Variants in TACR3 observed in about 807,000 individuals in gnomAD.
The protein encoded by TACR3 is tachykinin receptor 3, also known as neuromedin-K receptor.
Under a neutral mutation model 35.0 loss-of-function variants are expected in TACR3, and 34 were observed. The observed-to-expected ratio is 0.97, with a 90% CI of 0.74 to 1.30. TACR3 has a LOEUF of 1.30. Among genes scored for constraint, TACR3 ranks in the 50% most tolerant of loss-of-function variants. TACR3 has a pLI of 0.00. For synonymous variants in TACR3, 233 were observed against 221.1 expected, an observed-to-expected ratio of 1.05 and a Z score of -0.48; for missense variants, 558 against 591.7, an observed-to-expected ratio of 0.94 and a Z score of 0.59.
chr4:103,589,764 C>T lies in TACR3; in HGVS notation c.1316G>A (p.Cys439Tyr). The T allele has an allele frequency of 6.2e-7, 1 of 1,613,996 alleles. No individual in the cohort carries two copies. Among genetic ancestry groups the T allele is most frequent in the South Asian group, 1.1e-5 (1 of 91,078 alleles). ...GGCAGATTTGGAATTCCTGCGAGAG[C>T]AGCCATTGAAACTTGGGTCTCTTGG... ...ATPRDPSFNGCSRRNSKSASA... is the reference protein window; with the variant it reads ...ATPRDPSFNGYSRRNSKSASA... The change falls in exon 5 of 5, where the codon TGC becomes TAC. Residue 439 changes from cysteine (C) to tyrosine (Y), a missense_variant. Transcript: ENST00000304883.
intron 3 of TACR3, among the ~76,000 whole-genome samples, chr4:103,607,267 A>C (rs1457945765): frequency 6.6e-6 from 1 of 152,008 alleles, no homozygotes; most frequent in African/African-American, 2.4e-5. Context: ...TGCATTATTC[A>C]TTTTGTGCCC....
intron 3 of TACR3, among the ~76,000 whole-genome samples, chr4:103,621,120 T>C (rs1247013218): frequency 6.6e-6 from 1 of 152,162 alleles, no homozygotes; most frequent in Non-Finnish European, 1.5e-5. Flanking sequence ...TTGTGGAAGC[T>C]CAATGTGAAA....
intron 1 of TACR3, among the ~76,000 whole-genome samples, chr4:103,701,652 C>T (rs1722651073): frequency 6.6e-6 from 1 of 152,178 alleles, no homozygotes; most frequent in South Asian, 2.1e-4. Flanking sequence ...TCGAACTATA[C>T]TACAAGGCTA....
chr4:103,589,947 T>G lies in TACR3; in HGVS notation c.1133A>C (p.Lys378Thr), dbSNP rs200191397. The G allele has an allele frequency of 1.2e-6, 2 of 1,613,894 alleles. No individual in the cohort carries two copies. The highest frequency in any genetic ancestry group is 1.1e-5 in the South Asian group (1 of 91,084). ...KRAFRWCPFI[K>T]VSSYDELELK... is the part of the protein sequence containing the mutation. ...CTCTAGCTCATCATAGCTGGAAACT[T>G]TGATGAAAGGACACCAGCGAAATGC... is the stretch of plus-strand genomic sequence containing the variant. The change falls in exon 5 of 5, where the codon AAA becomes ACA. Residue 378 changes from lysine to threonine, a missense_variant. Lys to Thr is a moderately conservative substitution (Grantham distance 78). Coordinates refer to ENST00000304883, the MANE Select transcript of TACR3 (RefSeq NM_001059.3).
At position 103,676,666 on chromosome 4, in the gene TACR3, T is replaced by G. The variant is rs74629730; in HGVS notation, c.549-18263A>C. Among the ~76,000 whole-genome samples, 3,196 of 152,208 alleles carry G rather than the reference T, an allele frequency of 0.021. 226 individuals carry two copies. In the East Asian group the frequency reaches 0.23, roughly 11 times the overall value. On this transcript the variant is annotated intron_variant, in intron 1 of 4. Coordinates refer to ENST00000304883, the MANE Select transcript of TACR3 (RefSeq NM_001059.3). ...GTGCTGGGATAACTGGTTAGCCATA[T>G]GCAGAAAATTGAAACTGGACCCCTT...
intron 1 of TACR3, among the ~76,000 whole-genome samples, chr4:103,716,215 TTGTGTGTGTGTGTGTGTGTGTG>T (rs56790385): frequency 7.0e-6 from 1 of 143,234 alleles, no homozygotes; most frequent in Non-Finnish European, 1.5e-5. Context: ...TAATTTTATC[TTGTGTGTGTGTGTGTGTGTGTG>T]TGTGTGTGTG....
At chr4:103,700,052 A>AT (rs1342224125) in intron 1 of TACR3, among the ~76,000 whole-genome samples, 3 of 152,196 alleles carry the variant, frequency 2.0e-5, no homozygotes, top group African/African-American at 7.2e-5. Context: ...CTTGAGAAAT[A>AT]TCTGTTGAGT....
chr4:103,684,836 T>C (rs147672063), intron 1 of TACR3, among the ~76,000 whole-genome samples: 59 of 151,832 alleles, frequency 3.9e-4, no homozygotes, highest in Middle Eastern at 3.4e-3. Flanking sequence ...AAAACCTGTC[T>C]CTATGAAAAA....
chr4:103,640,361 C>T (rs557298044), intron 3 of TACR3, among the ~76,000 whole-genome samples: 2 of 152,080 alleles, frequency 1.3e-5, no homozygotes, highest in Admixed American at 6.6e-5. Context: ...TGAAATAATC[C>T]TAACCTTGTA....
Position 103,719,900 on chromosome 4 carries a change from A to G in TACR3, c.-225T>C. ...GCGCTTGCGGCTCTGGCAGGCAGAA[A>G]GAATGAGATCCTCCCGAGATTAAGG... is the stretch of plus-strand genomic sequence containing the variant. On this transcript the variant is annotated 5_prime_UTR_variant, in exon 1 of 5. Coordinates refer to ENST00000304883, the MANE Select transcript of TACR3 (RefSeq NM_001059.3). 1.7e-6 allele frequency: 1 copy of G among 605,556 alleles called. No individual in the cohort carries two copies. Among genetic ancestry groups the G allele is most frequent in the Non-Finnish European group, 2.9e-6 (1 of 342,930 alleles). 37.5% of individuals were successfully genotyped at this position (605,556 alleles called of 1,614,324 possible). A position where few individuals can be genotyped will look rare whatever the true frequency, so the allele number is the denominator to read the frequency against.
At chr4:103,716,177 G>C (rs187279849) in intron 1 of TACR3, among the ~76,000 whole-genome samples, 95 of 151,876 alleles carry the variant, frequency 6.3e-4, no homozygotes, top group Non-Finnish European at 1.2e-4. Flanking sequence ...AAGGATGGTG[G>C]AGAGAAAAGC....
chr4:103,597,176 C>T (rs1371695317), intron 3 of TACR3, among the ~76,000 whole-genome samples: 4 of 144,464 alleles, frequency 2.8e-5, no homozygotes, highest in Non-Finnish European at 6.1e-5. Flanking sequence ...GGAATTGCCA[C>T]ACTGACTTCC....
rs1276144290 is a variant in TACR3 at position 103,629,089 on chromosome 4, G to A, written c.888+27105C>T. ...AAAAGGCCTTTGACAAAATTCAACA[G>A]CCCTTCATGCTAAAAACTCTCAATA... On this transcript the variant is annotated intron_variant, in intron 3 of 4. Transcript: ENST00000304883. 1.5e-4 allele frequency among the ~76,000 whole-genome samples: 23 copies of A among 152,122 alleles called. No homozygotes were observed. The East Asian group carries it at 3.9e-3, about 26-fold the overall frequency.
intron 3 of TACR3, among the ~76,000 whole-genome samples, chr4:103,626,030 C>T (rs1724884510): frequency 6.6e-6 from 1 of 152,192 alleles, no homozygotes; most frequent in Admixed American, 6.5e-5. Context: ...ACATTTTGAT[C>T]TTGGACTTCT....
chr4:103,656,254 T>C lies in TACR3; in HGVS notation c.828A>G (p.Gly276=). 6.2e-7 allele frequency: 1 copy of C among 1,612,934 alleles called. No homozygotes were observed. The highest frequency in any genetic ancestry group is 8.5e-7 in the Non-Finnish European group (1 of 1,179,294). Residue 276 remains glycine (G), a synonymous_variant, in exon 3 of 5, where the codon GGA becomes GGG. Transcript: ENST00000304883. The stretch of plus-strand genomic sequence containing the variant: ...CACAGGTATCTCCTGGGATTTCTCC[T>C]CCCCAGAGAGTAATTCCAACAATGG... ...TYTIVGITLW[G]GEIPGDTCDK...
intron 3 of TACR3, among the ~76,000 whole-genome samples, chr4:103,594,807 G>C (rs1282079833): frequency 6.6e-6 from 1 of 152,106 alleles, no homozygotes; most frequent in African/African-American, 2.4e-5. Context: ...TCTTGCGAAA[G>C]ATTTATAAAC....
Position 103,598,275 on chromosome 4 carries a change from C to T in TACR3, c.889-6592G>A, listed in dbSNP as rs541913346. Among the ~76,000 whole-genome samples the T allele has an allele frequency of 1.4e-4, 21 of 152,246 alleles. No individual in the cohort carries two copies. In the South Asian group the frequency reaches 3.7e-3, roughly 27 times the overall value. Reference sequence around the variant, plus strand: ...TCTTTTGAGAAGTGTCTGTTCATATCCTTCGCCCACTTTTTGATGAGGTTG... The same window carrying T: ...TCTTTTGAGAAGTGTCTGTTCATATTCTTCGCCCACTTTTTGATGAGGTTG... On this transcript the variant is annotated intron_variant, in intron 3 of 4. Transcript: ENST00000304883.
At chr4:103,625,313 A>C (rs1436292812) in intron 3 of TACR3, among the ~76,000 whole-genome samples, 1 of 152,174 alleles carries the variant, frequency 6.6e-6, no homozygotes, top group East Asian at 1.9e-4. Flanking sequence ...GGTGGGAAGT[A>C]GGTGTTGTGC....
At chr4:103,719,028 T>C (rs1723149709) in intron 1 of TACR3, 100 bp downstream of exon 1, 9 of 1,508,772 alleles carry the variant, frequency 6.0e-6, no homozygotes, top group Non-Finnish European at 8.1e-6. Flanking sequence ...TTTACTTTTA[T>C]AGACCCCGTT....
Sources: allele counts gnomAD v4.1 joint callset (sites outside exome capture counted in the v4.1 genomes callset), GRCh38; gene constraint gnomAD v4.1.1; transcripts MANE v1.5; gene names NCBI Gene and HGNC (gene_info 2026-07-23, HGNC 2026-07-21).